The following ERICH3 variants were observed in gnomAD, a reference collection of about 807,000 sequenced individuals.
The protein encoded by ERICH3 is glutamate rich 3, also known as glutamate-rich protein 3.
A neutral mutation model predicts 131.1 loss-of-function variants in ERICH3; 126 were observed. That is an observed-to-expected ratio of 0.96 (90% CI 0.83 to 1.11). ERICH3 has a LOEUF of 1.11. Among genes scored for constraint, ERICH3 ranks in the 50% most tolerant of loss-of-function variants. ERICH3 has a pLI of 0.00. For synonymous variants in ERICH3, 695 were observed against 644.6 expected (o/e 1.08, Z -1.18); for missense variants, 2,050 against 1,810.7 (o/e 1.13, Z -2.40).
intron 12 of ERICH3, chr1:74,578,577 CT>C (rs1647114642): frequency 6.6e-6 from 1 of 151,678 alleles, no homozygotes; most frequent in Non-Finnish European, 1.5e-5. Context: ...AACTTCTTTC[CT>C]TCCCTTTCTT....
At position 74,631,696 on chromosome 1, in the gene ERICH3, A is replaced by G. The variant is rs1180749038; in HGVS notation, c.819+17T>C. 6.3e-7 allele frequency: 1 copy of G among 1,585,070 alleles called. No homozygotes were observed. The highest frequency in any genetic ancestry group is 1.3e-5 in the African/African-American group (1 of 74,266). ...TCTGAGATAAATTAATAAAAGAAAA[A>G]TTTGTTCCATAATCACCTTTGTCAA... On this transcript the variant is annotated intron_variant, in intron 7 of 14. Coordinates refer to ENST00000326665, the MANE Select transcript of ERICH3 (RefSeq NM_001002912.5).
chr1:74,646,844 G>A (rs1472981693), intron 2 of ERICH3, 52 bp from the exon 3 acceptor site: 3 of 1,086,178 alleles, frequency 2.8e-6, no homozygotes, highest in Middle Eastern at 3.3e-4. Flanking sequence ...AAAATGTGGT[G>A]TTAGTTTCCA....
intron 12 of ERICH3, among the ~76,000 whole-genome samples, chr1:74,583,040 A>T (rs1250404084): frequency 6.6e-6 from 1 of 152,040 alleles, no homozygotes; most frequent in Non-Finnish European, 1.5e-5. Flanking sequence ...AACAATGTAA[A>T]CGGGGGCAGA....
intron 8 of ERICH3, among the ~76,000 whole-genome samples, chr1:74,617,828 T>A (rs1649043062): frequency 6.6e-6 from 1 of 151,422 alleles, no homozygotes; most frequent in Non-Finnish European, 1.5e-5. Context: ...AATGAATAAA[T>A]TTTATGGCAT....
At chr1:74,674,138 G>A (rs530622253), upstream of ERICH3, among the ~76,000 whole-genome samples, 2 of 152,158 alleles carry the variant, frequency 1.3e-5, no homozygotes, top group Admixed American at 6.5e-5. Context: ...TTTGGGTTTT[G>A]AATTTGTTTC....
intron 2 of ERICH3, among the ~76,000 whole-genome samples, chr1:74,647,289 C>T (rs937453405): frequency 1.3e-5 from 2 of 152,038 alleles, no homozygotes; most frequent in Admixed American, 6.6e-5. Context: ...GAGCAGTGAT[C>T]ACAGGACTGA....
rs987395917 is a variant in ERICH3, at chr1:74,570,083, G to A, written c.*375C>T. 4 of 152,128 alleles carry A rather than the reference G, an allele frequency of 2.6e-5. No individual in the cohort carries two copies. Among genetic ancestry groups the A allele is most frequent in the Non-Finnish European group, 4.4e-5 (3 of 68,002 alleles). The allele number at this position is 152,128 out of a possible 1,614,324, so 9.4% of individuals were successfully genotyped here. A position where few individuals can be genotyped will look rare whatever the true frequency, so the allele number is the denominator to read the frequency against. On this transcript the variant is annotated 3_prime_UTR_variant, in exon 15 of 15. Transcript: ENST00000326665. ...GGGGCTCTGTATTGTAAAATAAAAAGGACTTTAAACAAACCCCTAACATTA... is the reference window on the plus strand; with the variant it reads ...GGGGCTCTGTATTGTAAAATAAAAAAGACTTTAAACAAACCCCTAACATTA...
chr1:74,622,342 G>A (rs1303084547), intron 7 of ERICH3: 2 of 152,190 alleles, frequency 1.3e-5, no homozygotes, highest in African/African-American at 4.8e-5. Context: ...ATATTACAGG[G>A]CATCAAGAGC....
At chr1:74,623,750 C>T (rs1649316591) in intron 7 of ERICH3, 1 of 152,120 alleles carries the variant, frequency 6.6e-6, no homozygotes, top group South Asian at 2.1e-4. Context: ...GCTTAAAGCC[C>T]TCCAGTGATT....
chr1:74,628,739 T>G (rs1430993614), intron 7 of ERICH3, among the ~76,000 whole-genome samples: 1 of 151,822 alleles, frequency 6.6e-6, no homozygotes, highest in African/African-American at 2.4e-5. Flanking sequence ...ATAAGAAGTA[T>G]TATTAGACAA....
intron 1 of ERICH3, among the ~76,000 whole-genome samples, chr1:74,670,346 T>A (rs1011924460): frequency 6.6e-6 from 1 of 152,142 alleles, no homozygotes; most frequent in Admixed American, 6.5e-5. Flanking sequence ...CATAGTGTGA[T>A]GGTGAAGAGA....
Position 74,572,246 on chromosome 1 carries a change from G to A in ERICH3, c.3464C>T (p.Pro1155Leu), listed in dbSNP as rs747419844. The A allele has an allele frequency of 2.5e-6, 4 of 1,614,014 alleles. No homozygotes were observed. The highest frequency in any genetic ancestry group is 1.6e-4 in the Middle Eastern group (1 of 6,062). Residue 1155 changes from proline (P) to leucine (L), a missense_variant, in exon 14 of 15, where the codon CCC becomes CTC. Physicochemically the swap from Pro to Leu is moderately conservative, Grantham distance 98 (BLOSUM62 -3). Coordinates refer to ENST00000326665, the MANE Select transcript of ERICH3 (RefSeq NM_001002912.5). Reference protein sequence around the residue: ...GEDSLKETVVPIFEATPGFEK... With the variant: ...GEDSLKETVVLIFEATPGFEK... Reference sequence around the variant, plus strand: ...AAATCCAGGCGTTGCTTCAAATATGGGAACCACTGTCTCTTTTAGTGAATC... The same window carrying A: ...AAATCCAGGCGTTGCTTCAAATATGAGAACCACTGTCTCTTTTAGTGAATC...
intron 12 of ERICH3, among the ~76,000 whole-genome samples, chr1:74,582,429 G>T (rs573090375): frequency 5.3e-5 from 8 of 152,054 alleles, no homozygotes; most frequent in African/African-American, 1.7e-4. Context: ...CATTTAAACT[G>T]CTATTTTTAT....
At chr1:74,654,905 G>A (rs1646570772) in intron 1 of ERICH3, among the ~76,000 whole-genome samples, 1 of 152,024 alleles carries the variant, frequency 6.6e-6, no homozygotes, top group Non-Finnish European at 1.5e-5. Flanking sequence ...CTAATGTGAG[G>A]GATACAGTAT....
At chr1:74,610,609 C>T (rs180892581) in intron 9 of ERICH3, among the ~76,000 whole-genome samples, 9 of 151,640 alleles carry the variant, frequency 5.9e-5, no homozygotes, top group African/African-American at 2.2e-4. Context: ...TAGTATCTCC[C>T]ATCTTAAAAA....
intron 1 of ERICH3, among the ~76,000 whole-genome samples, chr1:74,673,129 T>A (rs696703): frequency 0.68 from 104,104 of 152,050 alleles, 37,035 homozygotes; most frequent in East Asian, 0.97. Flanking sequence ...CCAAACGAAT[T>A]CTTATTTTGG....
In ERICH3 at chr1:74,571,133, T is replaced by C; in HGVS notation, c.4577A>G (p.Asn1526Ser). ...GESETADVSP[N>S]NVQV ...GCAAGTCTCCTAGACCTGCACGTTG[T>C]TGGGGGAAACATCTGCAGTCTCGCT... Residue 1526 changes from asparagine (N) to serine (S), a missense_variant, in exon 14 of 15, where the codon AAC (asparagine) becomes AGC (serine). Transcript: ENST00000326665. The C allele has an allele frequency of 1.2e-6, 2 of 1,613,504 alleles. No individual in the cohort carries two copies. The highest frequency in any genetic ancestry group is 8.5e-7 in the Non-Finnish European group (1 of 1,179,704).
At chr1:74,656,385 C>T (rs1231493821) in intron 1 of ERICH3, among the ~76,000 whole-genome samples, 1 of 152,118 alleles carries the variant, frequency 6.6e-6, no homozygotes, top group Non-Finnish European at 1.5e-5. Flanking sequence ...TGAGGCCCTC[C>T]CTTGTGGGAA....
chr1:74,579,571 G>A (rs1647139669), intron 12 of ERICH3: 2 of 985,274 alleles, frequency 2.0e-6, no homozygotes, highest in Non-Finnish European at 2.4e-6. Context: ...GCTGGCCTAA[G>A]TATCAAGGAC....
Sources: allele counts gnomAD v4.1 joint callset (sites outside exome capture counted in the v4.1 genomes callset), GRCh38; gene constraint gnomAD v4.1.1; transcripts MANE v1.5; gene names NCBI Gene and HGNC (gene_info 2026-07-23, HGNC 2026-07-21).